The following PRKN variants were observed in gnomAD, a reference collection of about 807,000 sequenced individuals.
PRKN encodes the protein E3 ubiquitin-protein ligase parkin.
PRKN carries 56 observed loss-of-function variants against 59.5 expected under a neutral mutation model. The observed-to-expected ratio is 0.94, with a 90% CI of 0.76 to 1.18. The LOEUF (loss-of-function observed/expected upper bound fraction) is 1.18. Among genes scored for constraint, PRKN ranks in the 50% most tolerant of loss-of-function variants. PRKN has a pLI of 0.00. For missense variants in PRKN, 657 were observed against 596.4 expected (o/e 1.10, Z -1.06); for synonymous variants, 250 against 222.1 (o/e 1.13, Z -1.12).
chr6:162,097,520 G>A (rs2128298056), intron 4 of PRKN, among the ~76,000 whole-genome samples: 2 of 152,264 alleles, frequency 1.3e-5, no homozygotes, highest in Middle Eastern at 3.4e-3. Flanking sequence ...TTCCGTAATG[G>A]TGGTTAAGGA....
chr6:161,663,209 C>T (rs1201664750), intron 7 of PRKN, among the ~76,000 whole-genome samples: 1 of 152,150 alleles, frequency 6.6e-6, no homozygotes, highest in East Asian at 1.9e-4. Flanking sequence ...TACCCAATCT[C>T]AGGTATGTCT....
At chr6:161,665,000 C>A (rs1395701388) in intron 7 of PRKN, among the ~76,000 whole-genome samples, 1 of 151,906 alleles carries the variant, frequency 6.6e-6, no homozygotes, top group Non-Finnish European at 1.5e-5. Context: ...ATTGGCCAGG[C>A]TGGTCTCGAA....
At chr6:162,570,045 C>G (rs1018269627) in intron 1 of PRKN, among the ~76,000 whole-genome samples, 4 of 152,152 alleles carry the variant, frequency 2.6e-5, no homozygotes, top group Admixed American at 6.5e-5. Context: ...AACATATTTG[C>G]AAACCCTGCC....
intron 6 of PRKN, among the ~76,000 whole-genome samples, chr6:161,821,560 G>A (rs924010170): frequency 7.9e-5 from 12 of 151,828 alleles, no homozygotes; most frequent in African/African-American, 2.9e-4. Flanking sequence ...AGGAAAAAGT[G>A]ATCACACATT....
At chr6:161,443,241 C>CA (rs1789327376) in intron 9 of PRKN, among the ~76,000 whole-genome samples, 2 of 149,134 alleles carry the variant, frequency 1.3e-5, no homozygotes, top group African/African-American at 5.0e-5. Flanking sequence ...ACCTGGGAGG[C>CA]AGAGGTTGCA....
chr6:162,198,747 T>A (rs1784599092), intron 4 of PRKN, among the ~76,000 whole-genome samples: 1 of 151,638 alleles, frequency 6.6e-6, no homozygotes, highest in Non-Finnish European at 1.5e-5. Context: ...ATCAAGAGGC[T>A]GTGAGCATTT....
intron 2 of PRKN, among the ~76,000 whole-genome samples, chr6:162,376,953 G>A (rs1028780237): frequency 5.3e-5 from 8 of 151,880 alleles, no homozygotes; most frequent in Admixed American, 5.2e-4. Context: ...AAAGGCAGGA[G>A]GAGAAGCCCA....
intron 1 of PRKN, among the ~76,000 whole-genome samples, chr6:162,546,930 C>T (rs1193493795): frequency 6.6e-6 from 1 of 152,116 alleles, no homozygotes; most frequent in Non-Finnish European, 1.5e-5. Context: ...CCTTTATTTG[C>T]ATTATTCATA....
chr6:161,642,620 A>G lies in PRKN; in HGVS notation c.872-73204T>C, dbSNP rs558836622. Among the ~76,000 whole-genome samples, 4 of 152,326 alleles carry G rather than the reference A, an allele frequency of 2.6e-5. No homozygotes were observed. In the South Asian group the frequency reaches 8.3e-4, roughly 32 times the overall value. On this transcript the variant is annotated intron_variant, in intron 7 of 11. Transcript: ENST00000366898. ...TCAGGTGTAACAGAGAGGTCTAAGA[A>G]GTCAGTGGAGGTATACACATACTAA...
chr6:161,835,647 A>ATGGGGAGGGT (rs1792720675), intron 6 of PRKN, among the ~76,000 whole-genome samples: 1 of 152,140 alleles, frequency 6.6e-6, no homozygotes, highest in Admixed American at 6.5e-5. Flanking sequence ...TTATCCACGC[A>ATGGGGAGGGT]TGGGGAGGGT....
At chr6:162,414,356 C>T (rs6937352) in intron 2 of PRKN, among the ~76,000 whole-genome samples, 85,566 of 151,728 alleles carry the variant, frequency 0.56, 25,417 homozygotes, top group African/African-American at 0.76. Flanking sequence ...CAGGTTTGAA[C>T]GGCTGTTAGG....
intron 4 of PRKN, among the ~76,000 whole-genome samples, chr6:162,122,521 T>A (rs747264843): frequency 1.3e-5 from 2 of 152,302 alleles, no homozygotes; most frequent in Middle Eastern, 3.4e-3. Context: ...GATATGGCAC[T>A]CACACACATG....
intron 1 of PRKN, among the ~76,000 whole-genome samples, chr6:162,615,956 A>C (rs2128219774): frequency 6.6e-6 from 1 of 152,352 alleles, no homozygotes; most frequent in Admixed American, 6.5e-5. Flanking sequence ...TTAGTCCTAA[A>C]CCAAGAAGAT....
intron 9 of PRKN, among the ~76,000 whole-genome samples, chr6:161,398,730 T>G (rs998499862): frequency 6.6e-6 from 1 of 152,186 alleles, no homozygotes; most frequent in Non-Finnish European, 1.5e-5. Flanking sequence ...CACTGGCCAT[T>G]CTTCATGGCC....
At chr6:162,430,739 C>T (rs1007542795) in intron 2 of PRKN, among the ~76,000 whole-genome samples, 1 of 152,234 alleles carries the variant, frequency 6.6e-6, no homozygotes, top group Admixed American at 6.5e-5. Context: ...TAGATCAGGC[C>T]ACTTTGAGAA....
chr6:162,219,266 T>C (rs182466426), intron 3 of PRKN, among the ~76,000 whole-genome samples: 1 of 152,162 alleles, frequency 6.6e-6, no homozygotes, highest in South Asian at 2.1e-4. Flanking sequence ...TCACAAAATC[T>C]ACTAGAACGC....
At chr6:161,696,149 G>A (rs1786014051) in intron 7 of PRKN, among the ~76,000 whole-genome samples, 1 of 152,160 alleles carries the variant, frequency 6.6e-6, no homozygotes, top group African/African-American at 2.4e-5. Context: ...AGAGTCAGAT[G>A]ACAATCAGTA....
chr6:161,436,167 GAGATGGGAGGGCAGAGAGCAGGGGGCA>G (rs1788885245), intron 9 of PRKN, among the ~76,000 whole-genome samples: 1 of 106,106 alleles, frequency 9.4e-6, no homozygotes, highest in Non-Finnish European at 2.0e-5. Context: ...AGGAGGGGGC[GAGATGGGAGGGCAGAGAGCAGGGGGCA>G]GGATGGGAGG....
chr6:162,242,530 CAA>C (rs1779026516), intron 3 of PRKN, among the ~76,000 whole-genome samples: 1 of 152,118 alleles, frequency 6.6e-6, no homozygotes, highest in African/African-American at 2.4e-5. Flanking sequence ...AATACATACA[CAA>C]AGAGTTGCCT....
Sources: allele counts gnomAD v4.1 joint callset (sites outside exome capture counted in the v4.1 genomes callset), GRCh38; gene constraint gnomAD v4.1.1; transcripts MANE v1.5; gene names NCBI Gene and HGNC (gene_info 2026-07-23, HGNC 2026-07-21).